Variants in BTBD10 observed in about 807,000 individuals in gnomAD.
The protein encoded by BTBD10 is BTB/POZ domain-containing protein 10.
Under a neutral mutation model 53.2 loss-of-function variants are expected in BTBD10, and 21 were observed. That is an observed-to-expected ratio of 0.39 (90% confidence interval 0.28 to 0.57). The LOEUF (loss-of-function observed/expected upper bound fraction) is 0.57, where lower values mean the gene tolerates loss of function less well. Ranked by LOEUF, BTBD10 falls within the 20% of genes least tolerant of loss-of-function variation. The pLI is 0.53. For missense variants in BTBD10, 360 were observed against 594.7 expected (o/e 0.61, Z 4.10); for synonymous variants, 149 against 192.7 (o/e 0.77, Z 1.88).
At chr11:13,440,310 G>A in intron 2 of BTBD10, 4 of 1,132,806 alleles carry the variant, frequency 3.5e-6, no homozygotes, top group Non-Finnish European at 4.4e-6. Flanking sequence ...CTCCATCTCT[G>A]AGCAGTGATT....
intron 2 of BTBD10, among the ~76,000 whole-genome samples, chr11:13,438,506 T>C (rs1332422831): frequency 1.3e-5 from 2 of 152,044 alleles, no homozygotes; most frequent in Non-Finnish European, 2.9e-5. Flanking sequence ...TACAAAACAC[T>C]ATGTAATCCT....
At chr11:13,437,116 T>A (rs1388909966) in intron 2 of BTBD10, among the ~76,000 whole-genome samples, 3 of 152,344 alleles carry the variant, frequency 2.0e-5, no homozygotes, top group African/African-American at 7.2e-5. Context: ...TTCCTTAAAC[T>A]GGCAACATAC....
intron 2 of BTBD10, among the ~76,000 whole-genome samples, chr11:13,429,195 G>C (rs531375387): frequency 6.6e-6 from 1 of 152,018 alleles, no homozygotes; most frequent in Non-Finnish European, 1.5e-5. Flanking sequence ...GAAACCTACC[G>C]TCTTTACAAG....
chr11:13,412,141 T>C (rs1464294949), intron 6 of BTBD10, among the ~76,000 whole-genome samples: 1 of 151,816 alleles, frequency 6.6e-6, no homozygotes, highest in Non-Finnish European at 1.5e-5. Context: ...CCTAAAATCA[T>C]TTTTTTAAGA....
intron 1 of BTBD10, among the ~76,000 whole-genome samples, chr11:13,446,237 G>A (rs1950747643): frequency 6.6e-6 from 1 of 152,110 alleles, no homozygotes; most frequent in Non-Finnish European, 1.5e-5. Flanking sequence ...ACTTTTCCAA[G>A]CTGGATTTGA....
At chr11:13,394,848 C>T (rs954043711) in intron 8 of BTBD10, among the ~76,000 whole-genome samples, 7 of 151,952 alleles carry the variant, frequency 4.6e-5, no homozygotes, top group Admixed American at 3.9e-4. Flanking sequence ...CAGCCTCATC[C>T]GTGTCCCTAC....
chr11:13,447,983 T>C (rs1228987937), intron 1 of BTBD10, among the ~76,000 whole-genome samples: 1 of 152,204 alleles, frequency 6.6e-6, no homozygotes, highest in East Asian at 1.9e-4. Context: ...CTGTAAATGG[T>C]TGAAAGGCCA....
At chr11:13,413,475 T>C in intron 6 of BTBD10, 55 bp downstream of exon 6, 1 of 1,487,310 alleles carries the variant, frequency 6.7e-7, no homozygotes, top group Non-Finnish European at 9.0e-7. Flanking sequence ...TCAGGCTTTT[T>C]GTTCCAATAT....
At position 13,388,884 on chromosome 11, in the gene BTBD10, G is replaced by T; in HGVS notation, c.1375C>A (p.Pro459Thr). Reference sequence around the variant, plus strand: ...TCGAGGTCACTGTTGCCAGAAGGGGGATGGATAGGGAGAATATCCAGCTCA... The same window carrying T: ...TCGAGGTCACTGTTGCCAGAAGGGGTATGGATAGGGAGAATATCCAGCTCA... ...VDELDILPIH[P>T]PSGNSDLDPD... Residue 459 changes from proline to threonine, a missense_variant, in exon 9 of 9, where the codon CCC (proline) becomes ACC (threonine). By Grantham distance (38) the Pro-to-Thr change is conservative. This residue lies in a region of BTBD10 where 25 missense variants were observed against 24.9 expected (regional missense o/e 1.00). Coordinates refer to ENST00000278174, the MANE Select transcript of BTBD10 (RefSeq NM_032320.7). 6.2e-7 allele frequency: 1 copy of T among 1,614,128 alleles called. No homozygotes were observed. The highest frequency in any genetic ancestry group is 8.5e-7 in the Non-Finnish European group (1 of 1,179,972).
chr11:13,433,284 C>T (rs1397609570), intron 2 of BTBD10, among the ~76,000 whole-genome samples: 1 of 152,220 alleles, frequency 6.6e-6, no homozygotes, highest in Non-Finnish European at 1.5e-5. Context: ...AATCCCCTGA[C>T]CTACTTTGCT....
intron 8 of BTBD10, among the ~76,000 whole-genome samples, chr11:13,400,215 G>A (rs971874134): frequency 3.3e-5 from 5 of 152,240 alleles, no homozygotes; most frequent in South Asian, 2.1e-4. Context: ...CTTCCAGGCC[G>A]ATTTGTTTAC....
intron 1 of BTBD10, among the ~76,000 whole-genome samples, chr11:13,462,415 A>C (rs1200235460): frequency 1.3e-5 from 2 of 152,166 alleles, no homozygotes; most frequent in African/African-American, 2.4e-5. Context: ...GTGACTTTTC[A>C]TCATGGACTC....
At chr11:13,460,903 A>G (rs907625236) in intron 1 of BTBD10, among the ~76,000 whole-genome samples, 5 of 152,194 alleles carry the variant, frequency 3.3e-5, no homozygotes, top group Admixed American at 6.5e-5. Context: ...TAAATAATTC[A>G]ATTTCTGTAC....
At position 13,389,613 on chromosome 11, in the gene BTBD10, A is replaced by AG. The variant is rs576888964; in HGVS notation, c.1118-473dup. 2.6e-3 allele frequency among the ~76,000 whole-genome samples: 397 copies of AG among 152,134 alleles called. 1 individual carries two copies. The highest frequency in any genetic ancestry group is 6.7e-3 in the African/African-American group (279 of 41,492). Reference sequence around the variant, plus strand: ...CGGCTAATTTTTGTGTTTTTAGTAGAGGGGGGGTTTCACCACGTTGCCCAG... The same window carrying AG: ...CGGCTAATTTTTGTGTTTTTAGTAGAGGGGGGGGTTTCACCACGTTGCCCAG... On this transcript the variant is annotated intron_variant, in intron 8 of 8. Transcript: ENST00000278174.
At chr11:13,448,099 C>A (rs1185064311) in intron 1 of BTBD10, among the ~76,000 whole-genome samples, 1 of 152,204 alleles carries the variant, frequency 6.6e-6, no homozygotes, top group African/African-American at 2.4e-5. Flanking sequence ...TTCATTCATT[C>A]ATTCAAGCAC....
chr11:13,402,909 G>C (rs573506003), intron 8 of BTBD10, among the ~76,000 whole-genome samples: 3 of 152,128 alleles, frequency 2.0e-5, no homozygotes, highest in African/African-American at 7.2e-5. Context: ...AATGAATTAG[G>C]GCAAACTAGG....
At chr11:13,429,394 T>TA (rs1950406633) in intron 2 of BTBD10, among the ~76,000 whole-genome samples, 1 of 152,114 alleles carries the variant, frequency 6.6e-6, no homozygotes, top group Non-Finnish European at 1.5e-5. Flanking sequence ...CAAGACATAT[T>TA]AAAAAACTGT....
rs17525463 is a variant in BTBD10, at chr11:13,441,768, A to G, written c.101+3256T>C. 8.4e-3 allele frequency among the ~76,000 whole-genome samples: 1,279 copies of G among 152,292 alleles called. 4 individuals carry two copies. The highest frequency in any genetic ancestry group is 0.02 in the Middle Eastern group (6 of 294). ...AAAATTTAGATTAGCTATAAAAACT[A>G]AACAATAAAGTATGCTTATTTCCTT... is the stretch of plus-strand genomic sequence containing the variant. On this transcript the variant is annotated intron_variant, in intron 2 of 8. Coordinates refer to ENST00000278174, the MANE Select transcript of BTBD10 (RefSeq NM_032320.7).
rs537805471 is a variant in BTBD10, at chr11:13,400,023, G to A, written c.1117+3145C>T. Among the ~76,000 whole-genome samples, 99 of 152,328 alleles carry A rather than the reference G, an allele frequency of 6.5e-4. 1 individual carries two copies. The highest frequency in any genetic ancestry group is 1.8e-3 in the African/African-American group (74 of 41,588). On this transcript the variant is annotated intron_variant, in intron 8 of 8. Transcript: ENST00000278174. The stretch of plus-strand genomic sequence containing the variant: ...ACCCACTTCAGGAGGCAGTCTGCCC[G>A]TTCTCAGATCTCAAGCTGTGTGCTG...
Sources: gnomAD v4.1 joint callset for allele counts (sites outside exome capture counted in the v4.1 genomes callset) on GRCh38, gnomAD v4.1.1 for gene constraint, gnomAD v4.1.1 regional missense constraint, MANE v1.5 for transcripts, NCBI Gene and HGNC (gene_info 2026-07-23, HGNC 2026-07-21) for gene names.